Variants in KIF20B observed in about 807,000 individuals in gnomAD.
KIF20B encodes the protein kinesin family member 20B.
KIF20B carries 188 observed loss-of-function variants against 232.5 expected under a neutral mutation model. The observed-to-expected ratio is 0.81, with a 90% CI of 0.72 to 0.91. The LOEUF is 0.91. Among genes scored for constraint, KIF20B ranks in the 40% least tolerant of loss-of-function variants. The pLI is 0.00. For missense variants in KIF20B, 2,154 were observed against 2,055.9 expected (o/e 1.05, Z -0.92); for synonymous variants, 712 against 683.0 (o/e 1.04, Z -0.66).
Position 89,718,750 on chromosome 10 carries a change from C to CA in KIF20B, c.1313dup (p.His438GlnfsTer8), listed in dbSNP as rs1564660030. The CA allele has an allele frequency of 6.2e-7, 1 of 1,610,722 alleles. No individual in the cohort carries two copies. Among genetic ancestry groups the CA allele is most frequent in the Non-Finnish European group, 8.5e-7 (1 of 1,178,996 alleles). On this transcript the variant is annotated frameshift_variant, in exon 12 of 33. Transcript: ENST00000371728. LOFTEE classifies it high-confidence loss of function. ...GCCTTTCCGGGAAAGTAAACTGACT[C>CA]ACTATTTTCAAAGTTTTTTTAATGG...
At chr10:89,758,635 T>A in intron 26 of KIF20B, 71 bp from the exon 27 acceptor site, 1 of 1,096,096 alleles carries the variant, frequency 9.1e-7, no homozygotes, top group Non-Finnish European at 1.2e-6. Flanking sequence ...TTACATATAA[T>A]AATTTCTAAA....
chr10:89,755,443 TC>T (rs1249369607), intron 26 of KIF20B, among the ~76,000 whole-genome samples: 4 of 85,078 alleles, frequency 4.7e-5, no homozygotes, highest in East Asian at 4.3e-4. Flanking sequence ...TTTCCTTCCC[TC>T]CCCCCTTTCC....
intron 1 of KIF20B, among the ~76,000 whole-genome samples, chr10:89,702,062 G>A (rs1201475294): frequency 1.3e-5 from 2 of 152,206 alleles, no homozygotes; most frequent in African/African-American, 2.4e-5. Flanking sequence ...GCACACAGTA[G>A]GTACTAAATG....
chr10:89,773,876 A>T (rs1377104436), intron 32 of KIF20B, 95 bp from the exon 33 acceptor site: 1 of 574,244 alleles, frequency 1.7e-6, no homozygotes, highest in East Asian at 3.1e-5. Context: ...CATTTCAGTT[A>T]CTAAGCACAT....
chr10:89,741,327 A>G (rs1841789453), intron 21 of KIF20B, among the ~76,000 whole-genome samples: 1 of 151,738 alleles, frequency 6.6e-6, no homozygotes, highest in South Asian at 2.1e-4. Flanking sequence ...ATGAAGCTTC[A>G]CTCCCTTGTC....
At chr10:89,722,562 G>T (rs1011782142) in intron 13 of KIF20B, among the ~76,000 whole-genome samples, 1 of 152,084 alleles carries the variant, frequency 6.6e-6, no homozygotes, top group South Asian at 2.1e-4. Context: ...CCAGCTACTC[G>T]GGAGGTTGAG....
rs549036888 is a variant in KIF20B, at chr10:89,708,081, T to C, written c.148-1086T>C. Among the ~76,000 whole-genome samples, 7 of 152,334 alleles carry C rather than the reference T, an allele frequency of 4.6e-5. No homozygotes were observed. In the East Asian group the frequency reaches 1.3e-3, roughly 29 times the overall value. On this transcript the variant is annotated intron_variant, in intron 2 of 32. Coordinates refer to ENST00000371728, the MANE Select transcript of KIF20B (RefSeq NM_001284259.2). The stretch of plus-strand genomic sequence containing the variant: ...GTGGGAAATTTTGCGTATATCTTAA[T>C]GTGGTATTTTGTTTTCTAATTTTTT...
intron 31 of KIF20B, among the ~76,000 whole-genome samples, chr10:89,770,460 C>T (rs150583381): frequency 2.0e-5 from 3 of 152,064 alleles, no homozygotes; most frequent in Admixed American, 2.0e-4. Flanking sequence ...TTTAGGCTTA[C>T]TACCACTTTT....
At chr10:89,710,215 G>GTTT (rs10672232) in intron 5 of KIF20B, 150 bp downstream of exon 5, 3,184 of 282,834 alleles carry the variant, frequency 0.011, 2 homozygotes, top group South Asian at 0.026. Flanking sequence ...ACGTATTGCT[G>GTTT]TTTTTTTTTT....
Position 89,772,675 on chromosome 10 carries a change from A to T in KIF20B, c.5243-14A>T, listed in dbSNP as rs3758389. ...AAATTATTTCAGGAACTAATTAACA[A>T]TTTTATTTTATAGCAAAGAAGATAA... On this transcript the variant is annotated splice_polypyrimidine_tract_variant and intron_variant, in intron 31 of 32. Transcript: ENST00000371728. 427,452 of 1,508,082 alleles carry T rather than the reference A, an allele frequency of 0.28. 69,019 individuals carry two copies. Among genetic ancestry groups the T allele is most frequent in the East Asian group, 0.59 (25,617 of 43,542 alleles). The allele number at this position is 1,508,082 out of a possible 1,614,324, so 93.4% of individuals were successfully genotyped here.
chr10:89,764,154 T>C (rs1250843610), intron 29 of KIF20B, among the ~76,000 whole-genome samples: 2 of 150,780 alleles, frequency 1.3e-5, no homozygotes, highest in East Asian at 3.9e-4. Context: ...GTGTTTGGTT[T>C]TTTGTCCTTG....
At chr10:89,739,295 A>G (rs886389758) in intron 21 of KIF20B, among the ~76,000 whole-genome samples, 199 bp downstream of exon 21, 1 of 152,186 alleles carries the variant, frequency 6.6e-6, no homozygotes, top group Non-Finnish European at 1.5e-5. Context: ...ATTAAGAGAA[A>G]TATGTACCTT....
At position 89,766,791 on chromosome 10, in the gene KIF20B, C is replaced by T. The variant is rs118022086; in HGVS notation, c.4990-1499C>T. 6.6e-4 allele frequency among the ~76,000 whole-genome samples: 100 copies of T among 152,074 alleles called. 2 individuals carry two copies. In the East Asian group the frequency reaches 0.017, roughly 26 times the overall value. On this transcript the variant is annotated intron_variant, in intron 29 of 32. Coordinates refer to ENST00000371728, the MANE Select transcript of KIF20B (RefSeq NM_001284259.2). ...AATATTATTCAGCATAGTTTTTCTG[C>T]TACACATGTAACACCTTTAGAGATT...
intron 19 of KIF20B, chr10:89,733,288 A>C (rs1436101971): frequency 1.5e-5 from 6 of 411,236 alleles, no homozygotes; most frequent in Non-Finnish European, 2.6e-5. Flanking sequence ...TTTCTTTCGC[A>C]GTCTATGTAA....
chr10:89,751,195 G>T, intron 23 of KIF20B, 151 bp from the exon 24 acceptor site: 1 of 566,070 alleles, frequency 1.8e-6, no homozygotes, highest in Non-Finnish European at 3.1e-6. Context: ...AGACATTGAG[G>T]ATATTGCGAT....
At chr10:89,772,365 C>T (rs1009298553) in intron 31 of KIF20B, among the ~76,000 whole-genome samples, 1 of 152,026 alleles carries the variant, frequency 6.6e-6, no homozygotes, top group Non-Finnish European at 1.5e-5. Flanking sequence ...ATGTATATAT[C>T]CTGCTCTTTT....
chr10:89,718,402 C>A (rs1228479296), intron 11 of KIF20B, among the ~76,000 whole-genome samples: 2 of 151,824 alleles, frequency 1.3e-5, no homozygotes, highest in African/African-American at 4.8e-5. Flanking sequence ...TCCCTGCTAC[C>A]CTGGAGGCAG....
chr10:89,762,563 T>C (rs1842264973), intron 28 of KIF20B, 75 bp from the exon 29 acceptor site: 2 of 1,124,384 alleles, frequency 1.8e-6, no homozygotes, highest in Middle Eastern at 2.8e-4. Context: ...GATAGGCATT[T>C]GAGAGAATTA....
intron 17 of KIF20B, 82 bp downstream of exon 17, chr10:89,727,978 TAAAAA>T (rs571224909): frequency 1.1e-5 from 14 of 1,239,354 alleles, no homozygotes; most frequent in Non-Finnish European, 1.4e-5. Context: ...TTGTTTATTT[TAAAAA>T]ATAATTAAAC....
Sources: allele counts gnomAD v4.1 joint callset (sites outside exome capture counted in the v4.1 genomes callset), GRCh38; gene constraint gnomAD v4.1.1; transcripts MANE v1.5; gene names NCBI Gene and HGNC (gene_info 2026-07-23, HGNC 2026-07-21).